The following KATNBL1 variants were observed in gnomAD, a reference collection of about 807,000 sequenced individuals.
KATNBL1 encodes the protein katanin regulatory subunit B1 like 1.
A neutral mutation model predicts 44.7 loss-of-function variants in KATNBL1; 28 were observed. The ratio of observed to expected loss-of-function variants is 0.63; its 90% CI spans 0.46 to 0.86. The LOEUF is 0.86. KATNBL1 is among the 40% of genes least tolerant of loss of function. The pLI, the probability that KATNBL1 is intolerant of heterozygous loss-of-function variation, is 0.00. For missense variants in KATNBL1, 272 were observed against 350.7 expected (o/e 0.78, Z 1.79); for synonymous variants, 78 against 114.9 (o/e 0.68, Z 2.06).
chr15:34,179,312 T>C (rs555760980), intron 1 of KATNBL1, among the ~76,000 whole-genome samples: 64 of 152,302 alleles, frequency 4.2e-4, no homozygotes, highest in African/African-American at 1.5e-3. Flanking sequence ...CCAAAGTTAC[T>C]TTTATAACAA....
chr15:34,149,006 T>C (rs1888390859), intron 4 of KATNBL1, among the ~76,000 whole-genome samples: 1 of 152,234 alleles, frequency 6.6e-6, no homozygotes, highest in Admixed American at 6.5e-5. Flanking sequence ...TTAGCTGACC[T>C]ATAAACTAGG....
chr15:34,205,728 C>T (rs1890278323), intron 1 of KATNBL1, among the ~76,000 whole-genome samples: 1 of 152,186 alleles, frequency 6.6e-6, no homozygotes, highest in African/African-American at 2.4e-5. Context: ...CCCAGCAACC[C>T]ATTCCTTCAT....
chr15:34,172,142 T>C lies in KATNBL1; in HGVS notation c.-14-8452A>G, dbSNP rs191654728. 3.2e-3 allele frequency among the ~76,000 whole-genome samples: 490 copies of C among 152,110 alleles called. 5 individuals carry two copies. The highest frequency in any genetic ancestry group is 0.011 in the African/African-American group (476 of 41,484). ...GTAACCCTAAGAACAAGTAGATAGA[T>C]TGAATATCCATTTAAGACACAGTTG... On this transcript the variant is annotated intron_variant, in intron 1 of 9. Coordinates refer to ENST00000256544, the MANE Select transcript of KATNBL1 (RefSeq NM_024713.3).
intron 1 of KATNBL1, among the ~76,000 whole-genome samples, chr15:34,192,403 CA>C (rs199991134): frequency 0.041 from 4,403 of 107,074 alleles, 68 homozygotes; most frequent in African/African-American, 0.079. Flanking sequence ...GACTCCATCT[CA>C]AAAAAAAAAA....
Position 34,143,844 on chromosome 15 carries a change from G to A in KATNBL1, c.883-1473C>T, listed in dbSNP as rs1888227043. 2.0e-5 allele frequency among the ~76,000 whole-genome samples: 3 copies of A among 148,338 alleles called. No homozygotes were observed. The South Asian group carries it at 6.4e-4, about 32-fold the overall frequency. Reference sequence around the variant, plus strand: ...TTGCCAGGCATGGTGGTGGGCGCCTGTAGTCCCAGCTAATCGGGAGGCTGA... The same window carrying A: ...TTGCCAGGCATGGTGGTGGGCGCCTATAGTCCCAGCTAATCGGGAGGCTGA... On this transcript the variant is annotated intron_variant, in intron 9 of 9. Transcript: ENST00000256544.
At chr15:34,161,156 AC>A (rs1888791278) in intron 2 of KATNBL1, among the ~76,000 whole-genome samples, 1 of 151,844 alleles carries the variant, frequency 6.6e-6, no homozygotes, top group Admixed American at 6.6e-5. Flanking sequence ...CACACTTTCA[AC>A]CTCCAAGATA....
intron 2 of KATNBL1, among the ~76,000 whole-genome samples, chr15:34,158,799 T>C (rs1304380082): frequency 6.6e-6 from 1 of 152,214 alleles, no homozygotes; most frequent in Non-Finnish European, 1.5e-5. Context: ...GAGTTCCCCA[T>C]TGACTACTGA....
At chr15:34,175,008 A>G (rs1043803364) in intron 1 of KATNBL1, among the ~76,000 whole-genome samples, 5 of 151,834 alleles carry the variant, frequency 3.3e-5, no homozygotes, top group Non-Finnish European at 5.9e-5. Context: ...GCACTGTGGT[A>G]GGCTGACGAG....
chr15:34,192,188 A>AG (rs112707969), intron 1 of KATNBL1, among the ~76,000 whole-genome samples: 31,285 of 151,812 alleles, frequency 0.21, 4,034 homozygotes, highest in African/African-American at 0.37. Context: ...GTGGATCACC[A>AG]GGTCAGGAGA....
intron 4 of KATNBL1, among the ~76,000 whole-genome samples, chr15:34,151,889 G>A (rs1405440501): frequency 6.6e-6 from 1 of 151,860 alleles, no homozygotes; most frequent in African/African-American, 2.4e-5. Context: ...CTTTAACCAG[G>A]CAATATTGAG....
chr15:34,176,665 T>C (rs1889343017), intron 1 of KATNBL1, among the ~76,000 whole-genome samples: 1 of 152,136 alleles, frequency 6.6e-6, no homozygotes, highest in African/African-American at 2.4e-5. Flanking sequence ...TACAATATAC[T>C]TACAATCAGT....
intron 1 of KATNBL1, among the ~76,000 whole-genome samples, chr15:34,206,573 C>T (rs1822319505): frequency 6.6e-6 from 1 of 152,130 alleles, no homozygotes; most frequent in South Asian, 2.1e-4. Context: ...GGGCGGATCA[C>T]CTGGGTCAGG....
At chr15:34,196,321 G>A (rs1410440236) in intron 1 of KATNBL1, among the ~76,000 whole-genome samples, 1 of 152,110 alleles carries the variant, frequency 6.6e-6, no homozygotes, top group East Asian at 1.9e-4. Flanking sequence ...GGGAGGCTGA[G>A]GCAGGAGAAT....
intron 1 of KATNBL1, among the ~76,000 whole-genome samples, chr15:34,165,295 G>A (rs1485697161): frequency 6.6e-6 from 1 of 152,048 alleles, no homozygotes; most frequent in Non-Finnish European, 1.5e-5. Flanking sequence ...AAAGGGTCTT[G>A]TCCACAATGC....
At chr15:34,190,446 C>T (rs1239325008) in intron 1 of KATNBL1, among the ~76,000 whole-genome samples, 1 of 152,102 alleles carries the variant, frequency 6.6e-6, no homozygotes, top group East Asian at 1.9e-4. Flanking sequence ...ACACTGGTCC[C>T]GAAGACAAAC....
intron 1 of KATNBL1, among the ~76,000 whole-genome samples, chr15:34,172,404 C>T (rs1412958480): frequency 6.6e-6 from 1 of 151,664 alleles, no homozygotes; most frequent in East Asian, 1.9e-4. Flanking sequence ...TTACGGGCTC[C>T]CGTCACCATG....
chr15:34,188,137 TAAAAAAAAAAAAA>T (rs1201268078), intron 1 of KATNBL1, among the ~76,000 whole-genome samples: 10 of 22,084 alleles, frequency 4.5e-4, no homozygotes, highest in Admixed American at 7.6e-4. Flanking sequence ...AGACGCCATG[TAAAAAAAAAAAAA>T]AAAAAAAAAA....
chr15:34,199,713 G>A (rs909807236), intron 1 of KATNBL1: 4 of 152,346 alleles, frequency 2.6e-5, no homozygotes, highest in African/African-American at 9.7e-5. Flanking sequence ...CCTTCCGGTG[G>A]GTTCGTAGTC....
At chr15:34,149,139 T>C (rs1008267247) in intron 4 of KATNBL1, among the ~76,000 whole-genome samples, 1 of 152,242 alleles carries the variant, frequency 6.6e-6, no homozygotes, top group African/African-American at 2.4e-5. Context: ...TTTAAATTTA[T>C]CTATTTATTG....
Sources: gnomAD v4.1 joint callset for allele counts (sites outside exome capture counted in the v4.1 genomes callset) on GRCh38, gnomAD v4.1.1 for gene constraint, MANE v1.5 for transcripts, NCBI Gene and HGNC (gene_info 2026-07-23, HGNC 2026-07-21) for gene names.